Variants in ARK2C observed in about 807,000 individuals in gnomAD.
ARK2C encodes the protein E3 ubiquitin-protein ligase ARK2C.
the ARK2C span, among the ~76,000 whole-genome samples, chr18:46,455,792 G>T: frequency 2.0e-5 from 3 of 152,154 alleles, no homozygotes; most frequent in African/African-American, 7.2e-5. Context: ...CCAAGATCAC[G>T]CTATTGCACT....
At chr18:46,414,255 CT>C in the ARK2C span, among the ~76,000 whole-genome samples, 1 of 152,242 alleles carries the variant, frequency 6.6e-6, no homozygotes, top group Non-Finnish European at 1.5e-5. Flanking sequence ...GCAGATGTGT[CT>C]TCTTCCTTAA....
At chr18:46,359,115 T>G in the ARK2C span, among the ~76,000 whole-genome samples, 1 of 152,188 alleles carries the variant, frequency 6.6e-6, no homozygotes, top group African/African-American at 2.4e-5. Flanking sequence ...TTCATAGGGC[T>G]CCCATGAGAG....
chr18:46,457,368 T>A, the ARK2C span: 1 of 152,682 alleles, frequency 6.5e-6, no homozygotes, highest in African/African-American at 2.4e-5. Context: ...CTTTTGTTTT[T>A]CTCATGTTTA....
chr18:46,418,006 A>G, the ARK2C span, among the ~76,000 whole-genome samples: 1 of 152,118 alleles, frequency 6.6e-6, no homozygotes, highest in Non-Finnish European at 1.5e-5. Flanking sequence ...TCTTAAAAAA[A>G]AAAAGTATAA....
the ARK2C span, among the ~76,000 whole-genome samples, chr18:46,384,940 C>G: frequency 7.6e-4 from 116 of 152,332 alleles, no homozygotes; most frequent in Admixed American, 1.2e-3. Context: ...AGAGCCAGGG[C>G]ACACACACAG....
At chr18:46,415,194 C>T in the ARK2C span, among the ~76,000 whole-genome samples, 2 of 152,132 alleles carry the variant, frequency 1.3e-5, no homozygotes, top group Non-Finnish European at 2.9e-5. Context: ...TGAATACCCA[C>T]GTGAGCCCCA....
chr18:46,388,103 TG>T, the ARK2C span, among the ~76,000 whole-genome samples: 1 of 152,076 alleles, frequency 6.6e-6, no homozygotes, highest in Admixed American at 6.5e-5. Context: ...AGAGAGAAAG[TG>T]GCTTACTGAA....
At chr18:46,357,717 G>T in the ARK2C span, among the ~76,000 whole-genome samples, 4 of 152,218 alleles carry the variant, frequency 2.6e-5, no homozygotes, top group African/African-American at 9.6e-5. Context: ...GGCAGGAATT[G>T]CCTCCGATGA....
the ARK2C span, among the ~76,000 whole-genome samples, chr18:46,358,744 C>A: frequency 6.6e-6 from 1 of 152,194 alleles, no homozygotes; most frequent in African/African-American, 2.4e-5. Context: ...CCTACACTGA[C>A]CAGCTTCTCA....
the ARK2C span, among the ~76,000 whole-genome samples, chr18:46,411,634 C>T: frequency 3.9e-5 from 6 of 152,206 alleles, no homozygotes; most frequent in African/African-American, 7.2e-5. Context: ...GACGAGAGCC[C>T]ATCCCAGGGA....
chr18:46,414,551 G>A, the ARK2C span, among the ~76,000 whole-genome samples: 3 of 152,092 alleles, frequency 2.0e-5, no homozygotes, highest in Non-Finnish European at 2.9e-5. Context: ...ACATGAACAC[G>A]TTCACACAAA....
the ARK2C span, chr18:46,336,323 A>G: frequency 1.0e-6 from 1 of 985,390 alleles, no homozygotes; most frequent in Non-Finnish European, 1.2e-6. Context: ...TTTGAAATTC[A>G]AATTGCTCAG....
the ARK2C span, among the ~76,000 whole-genome samples, chr18:46,364,569 C>T: frequency 6.6e-6 from 1 of 152,176 alleles, no homozygotes; most frequent in Admixed American, 6.5e-5. Context: ...AAAGCCTTCA[C>T]ACCTACTGCC....
chr18:46,395,401 A>T, the ARK2C span, among the ~76,000 whole-genome samples: 8 of 152,184 alleles, frequency 5.3e-5, no homozygotes, highest in Non-Finnish European at 1.0e-4. Flanking sequence ...GTTTGGCAGC[A>T]TTCCTGGCAC....
the ARK2C span, chr18:46,450,617 A>G: frequency 9.4e-7 from 1 of 1,069,406 alleles, no homozygotes; most frequent in Non-Finnish European, 1.4e-6. Flanking sequence ...CTTCCTGCTC[A>G]TGTCTTCCAG....
At chr18:46,434,041 T>C in the ARK2C span, among the ~76,000 whole-genome samples, 2 of 151,970 alleles carry the variant, frequency 1.3e-5, no homozygotes, top group Non-Finnish European at 2.9e-5. Flanking sequence ...CTAGATAGAG[T>C]CCGGCTGCAT....
the ARK2C span, among the ~76,000 whole-genome samples, chr18:46,400,394 A>T: frequency 6.6e-6 from 1 of 152,168 alleles, no homozygotes; most frequent in Non-Finnish European, 1.5e-5. Context: ...ATATGGCTTT[A>T]AGAGCTCTGA....
At chr18:46,419,049 C>T in the ARK2C span, among the ~76,000 whole-genome samples, 9 of 152,190 alleles carry the variant, frequency 5.9e-5, no homozygotes, top group East Asian at 5.8e-4. Context: ...CTAGTGGGAA[C>T]GCTATTACTG....
chr18:46,416,293 T>A, the ARK2C span, among the ~76,000 whole-genome samples: 2 of 152,092 alleles, frequency 1.3e-5, no homozygotes, highest in African/African-American at 4.8e-5. Context: ...TCTTCTGGCT[T>A]TGTGAGGAGA....
Sources: gnomAD v4.1 joint callset for allele counts (sites outside exome capture counted in the v4.1 genomes callset) on GRCh38, gnomAD v4.1.1 for gene constraint, MANE v1.5 for transcripts, NCBI Gene and HGNC (gene_info 2026-07-23, HGNC 2026-07-21) for gene names.